RUNX1: variants seen among roughly 807,000 people sequenced by gnomAD.
RUNX1 encodes RUNX family transcription factor 1.
RUNX1 carries 19 observed loss-of-function variants against 42.8 expected under a neutral mutation model. The ratio of observed to expected loss-of-function variants is 0.44; its 90% CI spans 0.31 to 0.65. The LOEUF (loss-of-function observed/expected upper bound fraction) is 0.65, where lower values mean the gene tolerates loss of function less well. Ranked by LOEUF, RUNX1 falls within the 30% of genes least tolerant of loss-of-function variation. RUNX1 has a pLI of 0.07. For synonymous variants in RUNX1, 271 were observed against 289.4 expected (o/e 0.94, Z 0.64); for missense variants, 528 against 672.0 (o/e 0.79, Z 2.37).
At chr21:34,853,571 T>C (rs573374088) in intron 6 of RUNX1, among the ~76,000 whole-genome samples, 1 of 152,346 alleles carries the variant, frequency 6.6e-6, no homozygotes, top group South Asian at 2.1e-4. Context: ...ATTTATTTTT[T>C]CTTCAATTTC....
intron 2 of RUNX1, among the ~76,000 whole-genome samples, chr21:35,003,373 A>G (rs562202195): frequency 9.2e-5 from 14 of 152,358 alleles, no homozygotes; most frequent in African/African-American, 3.1e-4. Context: ...TGTGAGTAAC[A>G]AGGACGAACG....
intron 2 of RUNX1, among the ~76,000 whole-genome samples, chr21:34,997,447 T>C (rs1333515987): frequency 6.6e-6 from 1 of 152,096 alleles, no homozygotes; most frequent in East Asian, 1.9e-4. Context: ...TCCCCCAACA[T>C]CAAAGGAAGC....
intron 2 of RUNX1, among the ~76,000 whole-genome samples, chr21:34,896,955 G>A (rs1296897996): frequency 6.6e-6 from 1 of 152,194 alleles, no homozygotes; most frequent in Non-Finnish European, 1.5e-5. Context: ...GTAGCAGGAG[G>A]AGAGAAAGAC....
chr21:34,852,457 A>G (rs1452111338), intron 6 of RUNX1, among the ~76,000 whole-genome samples: 1 of 152,196 alleles, frequency 6.6e-6, no homozygotes, highest in African/African-American at 2.4e-5. Context: ...TGATACTACT[A>G]AAAATATTCA....
intron 7 of RUNX1, chr21:34,821,229 T>G: frequency 9.6e-7 from 1 of 1,042,602 alleles, no homozygotes; most frequent in Middle Eastern, 4.5e-4. Context: ...TGGGTACAAC[T>G]AACTGGTGAT....
At chr21:34,892,591 A>C (rs1190172530) in intron 3 of RUNX1, among the ~76,000 whole-genome samples, 1 of 152,234 alleles carries the variant, frequency 6.6e-6, no homozygotes, top group Non-Finnish European at 1.5e-5. Flanking sequence ...TACCACTGCT[A>C]TAACACAGGT....
chr21:34,863,459 C>T (rs1387160556), intron 5 of RUNX1, among the ~76,000 whole-genome samples: 1 of 151,810 alleles, frequency 6.6e-6, no homozygotes, highest in Non-Finnish European at 1.5e-5. Context: ...AAACCACAGA[C>T]TAACCTATAT....
At chr21:34,794,723 T>G (rs1167788217) in intron 8 of RUNX1, among the ~76,000 whole-genome samples, 1 of 152,238 alleles carries the variant, frequency 6.6e-6, no homozygotes, top group Non-Finnish European at 1.5e-5. Flanking sequence ...GGGTTCCCTA[T>G]ATCTGTAGAT....
chr21:34,930,270 GTATA>G (rs1555906427), intron 2 of RUNX1, among the ~76,000 whole-genome samples: 11 of 123,018 alleles, frequency 8.9e-5, no homozygotes, highest in South Asian at 4.7e-4. Context: ...GTGTGTGTAT[GTATA>G]TATATATATA....
At chr21:34,815,982 C>T (rs1046743941) in intron 7 of RUNX1, among the ~76,000 whole-genome samples, 1 of 151,986 alleles carries the variant, frequency 6.6e-6, no homozygotes, top group Non-Finnish European at 1.5e-5. Context: ...CTAGGCTCCT[C>T]CTCATCACAA....
chr21:34,973,019 G>A (rs892134809), intron 2 of RUNX1, among the ~76,000 whole-genome samples: 2 of 152,148 alleles, frequency 1.3e-5, no homozygotes, highest in African/African-American at 2.4e-5. Flanking sequence ...CTCTTGTTGT[G>A]TACTTCATGG....
intron 2 of RUNX1, among the ~76,000 whole-genome samples, chr21:35,016,881 TTGTGTG>T (rs139916478): frequency 1.3e-5 from 2 of 149,236 alleles, no homozygotes; most frequent in Non-Finnish European, 3.0e-5. Context: ...TGTGTGCACA[TTGTGTG>T]TGTGTGTGTG....
Position 34,975,256 on chromosome 21 carries a change from C to T in RUNX1, c.58+73586G>A, listed in dbSNP as rs180716512. 1.7e-3 allele frequency among the ~76,000 whole-genome samples: 253 copies of T among 152,328 alleles called. 1 individual carries two copies. The Middle Eastern group carries it at 0.02, about 12-fold the overall frequency. ...TGCCCTCCGGGATATTATGAAGATACATATTTGGCTTCATAAAGAAGCTCT... is the reference window on the plus strand; with the variant it reads ...TGCCCTCCGGGATATTATGAAGATATATATTTGGCTTCATAAAGAAGCTCT... On this transcript the variant is annotated intron_variant, in intron 2 of 8. Coordinates refer to ENST00000675419, the MANE Select transcript of RUNX1 (RefSeq NM_001754.5).
chr21:34,969,019 G>A lies in RUNX1; in HGVS notation c.59-76056C>T, dbSNP rs114843433. On this transcript the variant is annotated intron_variant, in intron 2 of 8. Coordinates refer to ENST00000675419, the MANE Select transcript of RUNX1 (RefSeq NM_001754.5). ...GAAACTGTTGAGCAGAAAGGTATAA[G>A]TCAGGCTTTTCCTATTACAGGTCTC... is the stretch of plus-strand genomic sequence containing the variant. Among the ~76,000 whole-genome samples, 560 of 152,248 alleles carry A rather than the reference G, an allele frequency of 3.7e-3. 4 individuals are homozygous for A. Among genetic ancestry groups the A allele is most frequent in the African/African-American group, 0.013 (524 of 41,558 alleles).
At chr21:35,043,222 A>G (rs2147018911) in intron 2 of RUNX1, among the ~76,000 whole-genome samples, 1 of 152,294 alleles carries the variant, frequency 6.6e-6, no homozygotes, top group East Asian at 1.9e-4. Flanking sequence ...ACTCCAGGAC[A>G]TCCTAGTTAT....
intron 2 of RUNX1, among the ~76,000 whole-genome samples, chr21:35,039,699 A>T (rs975705415): frequency 3.3e-5 from 5 of 152,194 alleles, no homozygotes; most frequent in Admixed American, 6.5e-5. Context: ...GCCTTTATTT[A>T]AAAAAATGAA....
chr21:35,007,229 T>G (rs901135262), intron 2 of RUNX1, among the ~76,000 whole-genome samples: 3 of 152,260 alleles, frequency 2.0e-5, no homozygotes, highest in Non-Finnish European at 1.5e-5. Context: ...TACTTGATTG[T>G]GGCTACAGAA....
intron 8 of RUNX1, 31 bp downstream of exon 8, chr21:34,799,270 G>A (rs2145906574): frequency 6.2e-7 from 1 of 1,613,434 alleles, no homozygotes; most frequent in Non-Finnish European, 8.5e-7. Flanking sequence ...CCCCAGCTCA[G>A]CTGCAAAGAA....
chr21:34,815,549 G>GA (rs1405053410), intron 7 of RUNX1, among the ~76,000 whole-genome samples: 1 of 152,136 alleles, frequency 6.6e-6, no homozygotes, highest in African/African-American at 2.4e-5. Flanking sequence ...GGGATAGCAA[G>GA]AAAAAGAGTA....
Sources: gnomAD v4.1 joint callset for allele counts (sites outside exome capture counted in the v4.1 genomes callset) on GRCh38, gnomAD v4.1.1 for gene constraint, MANE v1.5 for transcripts, NCBI Gene and HGNC (gene_info 2026-07-23, HGNC 2026-07-21) for gene names.